CDH13: variants seen among roughly 807,000 people sequenced by gnomAD.
CDH13 encodes the protein cadherin 13, also known as cadherin-13.
Under a neutral mutation model 63.8 loss-of-function variants are expected in CDH13, and 24 were observed. The observed-to-expected ratio is 0.38, with a 90% CI of 0.27 to 0.53. The LOEUF (loss-of-function observed/expected upper bound fraction) is 0.53. CDH13 is among the 20% of genes least tolerant of loss of function. CDH13 has a pLI of 0.85. For synonymous variants in CDH13, 503 were observed against 355.3 expected, an observed-to-expected ratio of 1.42 and a Z score of -4.67; for missense variants, 1,049 against 903.1, an observed-to-expected ratio of 1.16 and a Z score of -2.07.
At chr16:82,657,194 C>T (rs898093269) in intron 1 of CDH13, among the ~76,000 whole-genome samples, 2 of 151,934 alleles carry the variant, frequency 1.3e-5, no homozygotes, top group South Asian at 2.1e-4. Flanking sequence ...CTGTACATAC[C>T]TGTGATAAAG....
intron 6 of CDH13, among the ~76,000 whole-genome samples, chr16:83,462,571 T>G (rs991985215): frequency 1.3e-5 from 2 of 152,120 alleles, no homozygotes; most frequent in Non-Finnish European, 2.9e-5. Context: ...GCCAACATGG[T>G]GAAACCCCAT....
chr16:83,550,352 C>G (rs188545409), intron 7 of CDH13, among the ~76,000 whole-genome samples: 1 of 152,344 alleles, frequency 6.6e-6, no homozygotes, highest in Non-Finnish European at 1.5e-5. Flanking sequence ...TCTGGCAAAG[C>G]TTTCCAGCAT....
At chr16:83,301,157 A>C (rs1356461827) in intron 5 of CDH13, among the ~76,000 whole-genome samples, 3 of 145,854 alleles carry the variant, frequency 2.1e-5, no homozygotes, top group African/African-American at 7.6e-5. Context: ...TCAGCCTCCC[A>C]AGTAGCTGGG....
At chr16:83,776,001 G>A (rs1466129293) in intron 11 of CDH13, among the ~76,000 whole-genome samples, 4 of 152,222 alleles carry the variant, frequency 2.6e-5, no homozygotes, top group East Asian at 3.9e-4. Context: ...AATTTTGGAT[G>A]TGATTTTTCT....
At chr16:83,623,051 G>T (rs1909958098) in intron 8 of CDH13, among the ~76,000 whole-genome samples, 1 of 152,242 alleles carries the variant, frequency 6.6e-6, no homozygotes. Context: ...GTCAGCTCAT[G>T]AAGTGACATC....
chr16:83,238,740 T>TTTTG lies in CDH13; in HGVS notation c.636+21267_636+21270dup, dbSNP rs112488110. Among the ~76,000 whole-genome samples the TTTTG allele has an allele frequency of 5.1e-4, 77 of 150,780 alleles. 1 individual carries two copies. The highest frequency in any genetic ancestry group is 1.7e-3 in the African/African-American group (69 of 41,086). ...TTAACCAGTACCTCCATATGTGTTT[T>TTTTG]TTTGTTTGTTTGTTTGTTTGTTTGT... On this transcript the variant is annotated intron_variant, in intron 5 of 13. Coordinates refer to ENST00000567109, the MANE Select transcript of CDH13 (RefSeq NM_001257.5).
chr16:82,848,180 G>T (rs978032356), intron 1 of CDH13, among the ~76,000 whole-genome samples: 4 of 152,196 alleles, frequency 2.6e-5, no homozygotes, highest in Non-Finnish European at 5.9e-5. Context: ...AGCTTCAGCT[G>T]GTGAGTGGCA....
chr16:82,929,545 G>T (rs1020078178), intron 2 of CDH13, among the ~76,000 whole-genome samples: 1 of 150,548 alleles, frequency 6.6e-6, no homozygotes, highest in African/African-American at 2.4e-5. Flanking sequence ...CCAGCGACTC[G>T]GGAGGCTGAA....
chr16:83,485,593 C>T (rs570496430), intron 6 of CDH13, among the ~76,000 whole-genome samples: 18 of 152,242 alleles, frequency 1.2e-4, no homozygotes, highest in African/African-American at 4.3e-4. Context: ...GCTCTGAGGT[C>T]CCTTTGACTT....
At chr16:83,650,216 C>G (rs1400346045) in intron 8 of CDH13, among the ~76,000 whole-genome samples, 1 of 148,488 alleles carries the variant, frequency 6.7e-6, no homozygotes, top group Non-Finnish European at 1.5e-5. Flanking sequence ...GTACAGAAAG[C>G]AGGAAAAAAA....
At chr16:82,925,302 G>A (rs2042269946) in intron 2 of CDH13, among the ~76,000 whole-genome samples, 1 of 152,196 alleles carries the variant, frequency 6.6e-6, no homozygotes, top group Non-Finnish European at 1.5e-5. Context: ...GTTTAAAGGG[G>A]AGCAGTTATG....
intron 1 of CDH13, among the ~76,000 whole-genome samples, chr16:82,739,440 C>T (rs1007225999): frequency 6.6e-6 from 1 of 152,154 alleles, no homozygotes; most frequent in African/African-American, 2.4e-5. Context: ...AAATTTTCCT[C>T]ATGAAATATG....
intron 5 of CDH13, among the ~76,000 whole-genome samples, chr16:83,313,741 C>CT (rs2090048377): frequency 6.6e-6 from 1 of 151,308 alleles, no homozygotes; most frequent in Non-Finnish European, 1.5e-5. Flanking sequence ...TTACAATTGC[C>CT]TTTTTTCCCA....
chr16:82,845,301 G>A (rs1414351541), intron 1 of CDH13, among the ~76,000 whole-genome samples: 2 of 152,190 alleles, frequency 1.3e-5, no homozygotes, highest in Non-Finnish European at 2.9e-5. Context: ...ACTGAGGGCT[G>A]TCCATAGGAG....
chr16:82,830,850 G>A (rs1394604452), intron 1 of CDH13, among the ~76,000 whole-genome samples: 1 of 152,198 alleles, frequency 6.6e-6, no homozygotes, highest in Non-Finnish European at 1.5e-5. Flanking sequence ...TTTGAAATGT[G>A]TGGTACTTCT....
intron 7 of CDH13, among the ~76,000 whole-genome samples, chr16:83,538,470 G>T (rs886863349): frequency 6.6e-6 from 1 of 152,192 alleles, no homozygotes; most frequent in African/African-American, 2.4e-5. Context: ...TGACTTTTAT[G>T]AGATTTCACC....
intron 1 of CDH13, among the ~76,000 whole-genome samples, chr16:82,691,409 A>G (rs373058660): frequency 1.3e-5 from 2 of 152,136 alleles, no homozygotes; most frequent in Non-Finnish European, 1.5e-5. Flanking sequence ...TCTTCAAGCT[A>G]TAGGGGTGAA....
At chr16:83,351,598 TG>T (rs2090952992) in intron 6 of CDH13, among the ~76,000 whole-genome samples, 1 of 152,234 alleles carries the variant, frequency 6.6e-6, no homozygotes, top group Non-Finnish European at 1.5e-5. Context: ...AGCTAGAGTC[TG>T]GATCTACCAT....
intron 2 of CDH13, chr16:82,953,187 T>G (rs1905542983): frequency 6.6e-6 from 1 of 152,204 alleles, no homozygotes; most frequent in Non-Finnish European, 1.5e-5. Flanking sequence ...CTTAGATTTG[T>G]GGATATTTCA....
Sources: allele counts gnomAD v4.1 joint callset (sites outside exome capture counted in the v4.1 genomes callset), GRCh38; gene constraint gnomAD v4.1.1; transcripts MANE v1.5; gene names NCBI Gene and HGNC (gene_info 2026-07-23, HGNC 2026-07-21).